Variants in MAST4 observed in about 807,000 individuals in gnomAD.
MAST4 encodes microtubule associated serine/threonine kinase family member 4.
A neutral mutation model predicts 162.7 loss-of-function variants in MAST4; 89 were observed. The observed-to-expected ratio is 0.55, with a 90% confidence interval of 0.46 to 0.65. The LOEUF is 0.65. Ranked by LOEUF, MAST4 falls within the 30% of genes least tolerant of loss-of-function variation. The pLI, the probability that MAST4 is intolerant of heterozygous loss-of-function variation, is 0.00. For missense variants in MAST4, 3,153 were observed against 3,374.0 expected, an observed-to-expected ratio of 0.93 and a Z score of 1.62; for synonymous variants, 1,479 against 1,361.1, an observed-to-expected ratio of 1.09 and a Z score of -1.91.
At chr5:66,678,221 C>A (rs1277484921) in intron 1 of MAST4, among the ~76,000 whole-genome samples, 1 of 151,064 alleles carries the variant, frequency 6.6e-6, no homozygotes, top group Admixed American at 6.6e-5. Context: ...CTCACAGAAG[C>A]AGAGAGTAGA....
intron 1 of MAST4, among the ~76,000 whole-genome samples, chr5:66,693,007 A>G (rs1305497089): frequency 7.1e-6 from 1 of 141,776 alleles, no homozygotes; most frequent in Non-Finnish European, 1.5e-5. Context: ...TTTTTGCTTC[A>G]CTAACATGCT....
At chr5:67,009,587 C>T (rs1325645535) in intron 4 of MAST4, among the ~76,000 whole-genome samples, 2 of 152,166 alleles carry the variant, frequency 1.3e-5, no homozygotes, top group Non-Finnish European at 2.9e-5. Context: ...AAAATGCATT[C>T]ATATGTGTAA....
intron 3 of MAST4, among the ~76,000 whole-genome samples, chr5:66,882,036 T>G (rs1761724095): frequency 6.6e-6 from 1 of 152,222 alleles, no homozygotes; most frequent in Non-Finnish European, 1.5e-5. Context: ...TGGTGATAAC[T>G]TTTAGAAACT....
chr5:66,620,617 A>G (rs1461145412), intron 1 of MAST4, among the ~76,000 whole-genome samples: 2 of 152,206 alleles, frequency 1.3e-5, no homozygotes, highest in African/African-American at 4.8e-5. Flanking sequence ...AGTCTCATTT[A>G]TGGGAATGGT....
At chr5:66,784,731 A>G (rs1469677421) in intron 2 of MAST4, among the ~76,000 whole-genome samples, 1 of 152,156 alleles carries the variant, frequency 6.6e-6, no homozygotes, top group Non-Finnish European at 1.5e-5. Flanking sequence ...GTGGTGGAGG[A>G]TGCAGGTCTT....
intron 1 of MAST4, among the ~76,000 whole-genome samples, chr5:66,678,735 TTCCCACCTTGGCC>T (rs1214501790): frequency 2.6e-5 from 4 of 152,090 alleles, no homozygotes; most frequent in Admixed American, 6.5e-5. Flanking sequence ...TCTCGTGATC[TTCCCACCTTGGCC>T]TCCCACAGTG....
intron 16 of MAST4, among the ~76,000 whole-genome samples, chr5:67,132,295 A>AG (rs1383726438): frequency 6.6e-6 from 1 of 152,140 alleles, no homozygotes; most frequent in Non-Finnish European, 1.5e-5. Context: ...CATCTACATT[A>AG]GGTATTTATC....
chr5:66,748,000 T>C (rs192970011), intron 1 of MAST4, among the ~76,000 whole-genome samples: 6 of 152,252 alleles, frequency 3.9e-5, no homozygotes, highest in East Asian at 3.9e-4. Flanking sequence ...GAAGTCTCAG[T>C]TGGACATAGG....
At chr5:66,864,644 T>TCC (rs11448059) in intron 3 of MAST4, among the ~76,000 whole-genome samples, 141 of 148,928 alleles carry the variant, frequency 9.5e-4, no homozygotes, top group Middle Eastern at 3.4e-3. Context: ...TTGAATTATG[T>TCC]CCCCCCCCGA....
chr5:66,737,835 A>C (rs541310589), intron 1 of MAST4, among the ~76,000 whole-genome samples: 6 of 152,350 alleles, frequency 3.9e-5, no homozygotes, highest in Non-Finnish European at 8.8e-5. Flanking sequence ...TGAGGCAGAT[A>C]TGAAAAGAAG....
intron 4 of MAST4, among the ~76,000 whole-genome samples, chr5:66,918,962 G>A (rs1764292715): frequency 6.6e-6 from 1 of 152,082 alleles, no homozygotes; most frequent in Admixed American, 6.6e-5. Context: ...AATTAGCTGG[G>A]CATGGTGGCA....
At chr5:66,651,178 ATCTT>A (rs1262350135) in intron 1 of MAST4, among the ~76,000 whole-genome samples, 1 of 151,968 alleles carries the variant, frequency 6.6e-6, no homozygotes, top group Non-Finnish European at 1.5e-5. Context: ...TTGATTGAGA[ATCTT>A]TTTTTTTTTG....
intron 4 of MAST4, among the ~76,000 whole-genome samples, chr5:67,017,352 G>A (rs139584523): frequency 1.9e-3 from 286 of 152,230 alleles, no homozygotes; most frequent in Non-Finnish European, 3.4e-3. Context: ...TTTGTTAAGG[G>A]TTAAAGAAAG....
chr5:66,907,951 T>G (rs1352826831), intron 4 of MAST4, among the ~76,000 whole-genome samples: 1 of 152,022 alleles, frequency 6.6e-6, no homozygotes, highest in African/African-American at 2.4e-5. Context: ...CCACAAATAT[T>G]GAAGCAAAAA....
chr5:66,610,409 C>T (rs1743214473), intron 1 of MAST4, among the ~76,000 whole-genome samples: 2 of 152,104 alleles, frequency 1.3e-5, no homozygotes, highest in Non-Finnish European at 2.9e-5. Flanking sequence ...ATGATAAATT[C>T]CTAGGAATGG....
At chr5:66,746,720 C>A (rs1752780418) in intron 1 of MAST4, among the ~76,000 whole-genome samples, 1 of 152,128 alleles carries the variant, frequency 6.6e-6, no homozygotes, top group East Asian at 1.9e-4. Flanking sequence ...AATTTAATGA[C>A]TTCAGATAGG....
chr5:67,004,146 G>A (rs954688731), intron 4 of MAST4, among the ~76,000 whole-genome samples: 79 of 152,288 alleles, frequency 5.2e-4, no homozygotes, highest in African/African-American at 1.7e-3. Context: ...TCCGGGCTCC[G>A]GGGAGGGGGA....
intron 3 of MAST4, among the ~76,000 whole-genome samples, chr5:66,805,727 T>G (rs1436012482): frequency 6.6e-6 from 1 of 152,196 alleles, no homozygotes; most frequent in African/African-American, 2.4e-5. Context: ...TGGACCTTGT[T>G]GTTTCCTGGA....
At chr5:66,898,409 A>T (rs1006057549) in intron 3 of MAST4, among the ~76,000 whole-genome samples, 7 of 152,208 alleles carry the variant, frequency 4.6e-5, no homozygotes, top group African/African-American at 1.7e-4. Context: ...GTAACCAAAG[A>T]TCCATGTATA....
Sources: allele counts gnomAD v4.1 joint callset (sites outside exome capture counted in the v4.1 genomes callset), GRCh38; gene constraint gnomAD v4.1.1; transcripts MANE v1.5; gene names NCBI Gene and HGNC (gene_info 2026-07-23, HGNC 2026-07-21).